Variants in LAMA2 observed in about 807,000 individuals in gnomAD.
LAMA2 encodes the protein laminin subunit alpha-2.
Under a neutral mutation model 364.8 loss-of-function variants are expected in LAMA2, and 269 were observed. That is an observed-to-expected ratio of 0.74 (90% CI 0.67 to 0.82). The LOEUF (loss-of-function observed/expected upper bound fraction) is 0.82. LAMA2 is among the 40% of genes least tolerant of loss of function. The pLI, the probability that LAMA2 is intolerant of heterozygous loss-of-function variation, is 0.00. For synonymous variants in LAMA2, 1,379 were observed against 1,370.6 expected, an observed-to-expected ratio of 1.01 and a Z score of -0.14; for missense variants, 3,807 against 3,873.2, an observed-to-expected ratio of 0.98 and a Z score of 0.45.
intron 40 of LAMA2, among the ~76,000 whole-genome samples, chr6:129,418,516 A>G (rs1159818707): frequency 6.6e-6 from 1 of 152,138 alleles, no homozygotes; most frequent in Non-Finnish European, 1.5e-5. Flanking sequence ...AAAAATTCAA[A>G]ATAAAAGTAA....
At chr6:129,350,668 C>A (rs1040494998) in intron 31 of LAMA2, among the ~76,000 whole-genome samples, 2 of 152,164 alleles carry the variant, frequency 1.3e-5, no homozygotes, top group Non-Finnish European at 2.9e-5. Flanking sequence ...GCTAGATTCT[C>A]CTAGGAACAC....
At chr6:128,965,906 C>T (rs904593887) in intron 1 of LAMA2, among the ~76,000 whole-genome samples, 3 of 150,112 alleles carry the variant, frequency 2.0e-5, no homozygotes, top group South Asian at 2.1e-4. Context: ...AAGACTTATA[C>T]TCTTTGTCCC....
At chr6:129,437,289 A>G (rs1421260821) in intron 41 of LAMA2, among the ~76,000 whole-genome samples, 1 of 152,124 alleles carries the variant, frequency 6.6e-6, no homozygotes, top group Non-Finnish European at 1.5e-5. Context: ...TAAATTGGAG[A>G]TAATAGTAGT....
intron 1 of LAMA2, among the ~76,000 whole-genome samples, chr6:128,943,738 T>G (rs1310890095): frequency 2.6e-5 from 4 of 152,150 alleles, no homozygotes; most frequent in African/African-American, 7.2e-5. Flanking sequence ...ACAAGAAAAC[T>G]CAGCAAAATT....
At chr6:129,435,278 A>G (rs1781779645) in intron 41 of LAMA2, among the ~76,000 whole-genome samples, 1 of 152,180 alleles carries the variant, frequency 6.6e-6, no homozygotes, top group African/African-American at 2.4e-5. Context: ...CTACAGTTCC[A>G]TTTTCTTAAG....
At chr6:129,225,047 C>T (rs1426456763) in intron 12 of LAMA2, among the ~76,000 whole-genome samples, 2 of 152,130 alleles carry the variant, frequency 1.3e-5, no homozygotes, top group Non-Finnish European at 2.9e-5. Flanking sequence ...CAACTTCTTC[C>T]TTGTTTAGTA....
chr6:129,285,599 A>G (rs1252922431), intron 18 of LAMA2, among the ~76,000 whole-genome samples: 1 of 152,170 alleles, frequency 6.6e-6, no homozygotes. Context: ...TGTGATAATG[A>G]TCATTGTATA....
chr6:128,947,873 C>T (rs1780577592), intron 1 of LAMA2, among the ~76,000 whole-genome samples: 1 of 151,852 alleles, frequency 6.6e-6, no homozygotes, highest in Non-Finnish European at 1.5e-5. Context: ...GAGTGAGAAG[C>T]TAAAATGGAA....
At chr6:129,055,950 A>G (rs1788452100) in intron 2 of LAMA2, among the ~76,000 whole-genome samples, 1 of 152,216 alleles carries the variant, frequency 6.6e-6, no homozygotes, top group African/African-American at 2.4e-5. Context: ...AACTTTCATA[A>G]TAGGGATTAT....
intron 1 of LAMA2, among the ~76,000 whole-genome samples, chr6:128,997,336 G>GAGAA (rs959399549): frequency 7.8e-4 from 65 of 82,946 alleles, no homozygotes; most frequent in Admixed American, 9.1e-4. Flanking sequence ...GAGAAAGAAA[G>GAGAA]AGAAAGAAAG....
intron 17 of LAMA2, among the ~76,000 whole-genome samples, chr6:129,274,247 A>T (rs1426084260): frequency 4.7e-5 from 7 of 149,800 alleles, no homozygotes; most frequent in African/African-American, 9.7e-5. Flanking sequence ...TGAAATGTTT[A>T]AAAAAAAAAT....
intron 4 of LAMA2, among the ~76,000 whole-genome samples, chr6:129,127,756 C>A (rs1395265785): frequency 6.6e-6 from 1 of 152,146 alleles, no homozygotes; most frequent in Non-Finnish European, 1.5e-5. Context: ...ATTTGCATTT[C>A]CCTAATGATT....
intron 18 of LAMA2, among the ~76,000 whole-genome samples, chr6:129,283,588 G>A (rs143850650): frequency 1.8e-4 from 27 of 151,726 alleles, no homozygotes; most frequent in Middle Eastern, 3.4e-3. Context: ...TCTCACAATT[G>A]CCACTGAAAA....
At chr6:128,902,535 G>T (rs1165889450) in intron 1 of LAMA2, among the ~76,000 whole-genome samples, 1 of 152,150 alleles carries the variant, frequency 6.6e-6, no homozygotes, top group African/African-American at 2.4e-5. Context: ...ATTATGACAT[G>T]TGGGGCCAAA....
rs199797275 is a variant in LAMA2, at chr6:129,119,532, TATTA to T, written c.639+21134_639+21137del. Among the ~76,000 whole-genome samples the T allele has an allele frequency of 1.3e-3, 191 of 151,518 alleles. 3 individuals carry two copies. Among genetic ancestry groups the T allele is most frequent in the Non-Finnish European group, 1.2e-3 (82 of 67,838 alleles). On this transcript the variant is annotated intron_variant, in intron 4 of 64. Transcript: ENST00000421865. ...ATATTATACATTTTATTTTATTTTT[TATTA>T]ATTAATTAATTAATTATTTATTTAT...
intron 14 of LAMA2, among the ~76,000 whole-genome samples, chr6:129,255,955 T>C (rs1332716656): frequency 6.6e-6 from 1 of 152,220 alleles, no homozygotes; most frequent in Non-Finnish European, 1.5e-5. Flanking sequence ...CCATTATCTT[T>C]GACTACCTCC....
At chr6:129,365,574 G>T (rs1014018790) in intron 32 of LAMA2, among the ~76,000 whole-genome samples, 2 of 151,912 alleles carry the variant, frequency 1.3e-5, no homozygotes, top group Non-Finnish European at 2.9e-5. Context: ...TGTTGGTCAG[G>T]CTGGTCTTGA....
intron 51 of LAMA2, among the ~76,000 whole-genome samples, chr6:129,472,093 C>T (rs1261115302): frequency 1.3e-5 from 2 of 151,862 alleles, no homozygotes; most frequent in Non-Finnish European, 2.9e-5. Context: ...CATTGCATTG[C>T]ATATTAGCAT....
In LAMA2 at chr6:129,190,242, C is replaced by G; in HGVS notation, c.1505C>G (p.Ser502Cys). ...VEGGDCSRCK[S>C]GFFNLQEDNW... The stretch of plus-strand genomic sequence containing the variant: ...GGAGGAGACTGTAGTCGTTGCAAAT[C>G]CGGCTTCTTCAATTTGCAAGAGGAT... The change falls in exon 11 of 65, where the codon TCC becomes TGC. Residue 502 changes from serine to cysteine, a missense_variant. Physicochemically the swap from Ser to Cys is moderately radical, Grantham distance 112. This residue lies in a region of LAMA2 where 3,333 missense variants were observed against 3,345.7 expected (regional missense o/e 1.00). Coordinates refer to ENST00000421865, the MANE Select transcript of LAMA2 (RefSeq NM_000426.4). 6.2e-7 allele frequency: 1 copy of G among 1,613,582 alleles called. No homozygotes were observed. Among genetic ancestry groups the G allele is most frequent in the Non-Finnish European group, 8.5e-7 (1 of 1,179,580 alleles).
Sources: allele counts gnomAD v4.1 joint callset (sites outside exome capture counted in the v4.1 genomes callset), GRCh38; gene constraint gnomAD v4.1.1; regional missense constraint gnomAD v4.1.1; transcripts MANE v1.5; gene names NCBI Gene and HGNC (gene_info 2026-07-23, HGNC 2026-07-21).